The following LFNG variants were observed in gnomAD, a reference collection of about 807,000 sequenced individuals.
LFNG encodes the protein LFNG O-fucosylpeptide 3-beta-N-acetylglucosaminyltransferase.
A neutral mutation model predicts 32.7 loss-of-function variants in LFNG; 15 were observed. That is an observed-to-expected ratio of 0.46 (90% CI 0.31 to 0.71). The LOEUF (loss-of-function observed/expected upper bound fraction) is 0.71, where lower values mean the gene tolerates loss of function less well. LFNG is among the 30% of genes least tolerant of loss of function. The pLI, the probability that LFNG is intolerant of heterozygous loss-of-function variation, is 0.06. For synonymous variants in LFNG, 274 were observed against 246.8 expected, an observed-to-expected ratio of 1.11 and a Z score of -1.03; for missense variants, 520 against 545.7, an observed-to-expected ratio of 0.95 and a Z score of 0.47.
intron 1 of LFNG, among the ~76,000 whole-genome samples, chr7:2,522,976 C>T (rs79211725): frequency 1.8e-4 from 28 of 152,142 alleles, no homozygotes; most frequent in Non-Finnish European, 2.5e-4. Context: ...GGAGACAGTT[C>T]GACCGGCACC....
intron 1 of LFNG, among the ~76,000 whole-genome samples, chr7:2,524,027 G>A (rs1303578789): frequency 1.3e-5 from 2 of 152,298 alleles, no homozygotes; most frequent in South Asian, 2.1e-4. Flanking sequence ...CCAGCTGTAT[G>A]GTAATGGGCG....
chr7:2,512,755 T>A, intron 1 of LFNG: 1 of 1,560,544 alleles, frequency 6.4e-7, no homozygotes, highest in Non-Finnish European at 8.8e-7. Context: ...CCGTCCCTCT[T>A]GCTCGTGAAC....
At chr7:2,522,874 T>G (rs1159131302) in intron 1 of LFNG, among the ~76,000 whole-genome samples, 5 of 152,202 alleles carry the variant, frequency 3.3e-5, no homozygotes, top group African/African-American at 1.2e-4. Flanking sequence ...TTATGCCCAT[T>G]TTACTGAAGA....
In LFNG at chr7:2,520,620, G is replaced by A. The variant is rs1485928824; in HGVS notation, c.432+327G>A. ...GTAAACATTGGAGCGCATTCATAGG[G>A]CATTATGTCCTCAAACTTCCACAAG... On this transcript the variant is annotated intron_variant, in intron 1 of 7. Coordinates refer to ENST00000222725, the MANE Select transcript of LFNG (RefSeq NM_001040167.2). The surrounding 1 kb of genome is among the most constrained non-coding windows in gnomAD (Gnocchi z 5.0). Among the ~76,000 whole-genome samples, 1 of 152,244 alleles carries A rather than the reference G, an allele frequency of 6.6e-6. No individual in the cohort carries two copies. Among genetic ancestry groups the A allele is most frequent in the South Asian group, 2.1e-4 (1 of 4,832 alleles).
chr7:2,522,630 G>A (rs1186066656), intron 1 of LFNG, among the ~76,000 whole-genome samples: 1 of 149,748 alleles, frequency 6.7e-6, no homozygotes, highest in Non-Finnish European at 1.5e-5. Flanking sequence ...CCCCGTCTTC[G>A]TCTGGAAAGT....
At chr7:2,515,255 TATCTGTCC>T (rs1380810940), upstream of LFNG, among the ~76,000 whole-genome samples, 3 of 135,198 alleles carry the variant, frequency 2.2e-5, no homozygotes, top group South Asian at 2.5e-4. Flanking sequence ...TCTGCCAATC[TATCTGTCC>T]ATCTGTCCAT....
rs890499442 is a variant in LFNG at position 2,526,733 on chromosome 7, G to A, written c.988-103G>A. On this transcript the variant is annotated intron_variant, in intron 6 of 7. Coordinates refer to ENST00000222725, the MANE Select transcript of LFNG (RefSeq NM_001040167.2). This position sits in a 1 kb window ranked among gnomAD's most constrained non-coding sequence, Gnocchi z 6.9. ...AGGTGTCCTTCCAGGTCCAAGGGAG[G>A]CCAGGGCAGGGCCGTTGCCTCACTC... The A allele has an allele frequency of 9.2e-7, 1 of 1,087,302 alleles. No homozygotes were observed. The highest frequency in any genetic ancestry group is 2.5e-5 in the East Asian group (1 of 40,204). 67.4% of individuals were successfully genotyped at this position (1,087,302 alleles called of 1,614,324 possible). A position where few individuals can be genotyped will look rare whatever the true frequency, so the allele number is the denominator to read the frequency against.
rs768785317 is a variant in LFNG, at chr7:2,524,722, G to A, written c.460G>A (p.Glu154Lys). 14 of 1,590,844 alleles carry A rather than the reference G, an allele frequency of 8.8e-6. No individual in the cohort carries two copies. The highest frequency in any genetic ancestry group is 1.7e-4 in the Middle Eastern group (1 of 6,028). Residue 154 changes from glutamate to lysine, a missense_variant, in exon 2 of 8, where the codon GAG (glutamate) becomes AAG (lysine). Physicochemically the swap from Glu to Lys is moderately conservative, Grantham distance 56 (BLOSUM62 1). This residue lies in a region of LFNG where 360 missense variants were observed against 354.7 expected (regional missense o/e 1.01). Transcript: ENST00000222725. Reference sequence around the variant, plus strand: ...GTTCATCTTCACTGACGGGGAAGATGAGGCCCTGGCCAGGCACACGGGTGA... The same window carrying A: ...GTTCATCTTCACTGACGGGGAAGATAAGGCCCTGGCCAGGCACACGGGTGA... ...MTFIFTDGED[E>K]ALARHTGNVV... is the part of the protein sequence containing the mutation.
chr7:2,525,420 C>A lies in LFNG; in HGVS notation c.588C>A (p.Phe196Leu). 5.0e-6 allele frequency: 8 copies of A among 1,612,920 alleles called. No homozygotes were observed. Among genetic ancestry groups the A allele is most frequent in the Non-Finnish European group, 6.8e-6 (8 of 1,179,866 alleles). The change falls in exon 4 of 8, where the codon TTC becomes TTA. Residue 196 changes from phenylalanine (F) to leucine (L), a missense_variant. Phe to Leu is a conservative substitution (Grantham distance 22, BLOSUM62 0). Around this residue, in one of 3 missense-constraint regions of LFNG, gnomAD observed 360 missense variants for 354.7 expected, o/e 1.01. Coordinates refer to ENST00000222725, the MANE Select transcript of LFNG (RefSeq NM_001040167.2). ...GGCCCTGCCTTGTCCTCAGGTGGTT[C>A]TGCCACGTGGACGATGACAACTACG... ...DRFIESGRKW[F>L]CHVDDDNYVN...
rs1319620068 is a variant in LFNG at position 2,525,482 on chromosome 7, A to G, written c.650A>G (p.Tyr217Cys). 4.3e-6 allele frequency: 7 copies of G among 1,612,440 alleles called. No individual in the cohort carries two copies. Among genetic ancestry groups the G allele is most frequent in the Non-Finnish European group, 5.1e-6 (6 of 1,179,852 alleles). The change falls in exon 4 of 8, where the codon TAC (tyrosine) becomes TGC (cysteine). Residue 217 changes from tyrosine (Y) to cysteine (C), a missense_variant. Transcript: ENST00000222725. ...LRALLRLLAS[Y>C]PHTRDVYVGK... is the part of the protein sequence containing the mutation. ...GCCCTGCTGCGGCTGCTGGCCAGCT[A>G]CCCGCACACGCGGGACGTCTACGTC...
chr7:2,516,398 C>T (rs1265958109), upstream of LFNG, among the ~76,000 whole-genome samples: 2 of 152,186 alleles, frequency 1.3e-5, no homozygotes, highest in South Asian at 2.1e-4. Context: ...AGGAACAGCC[C>T]GGGGGAGGGA....
intron 1 of LFNG, chr7:2,512,827 CTT>C: frequency 1.2e-6 from 1 of 857,578 alleles, no homozygotes; most frequent in Non-Finnish European, 1.9e-6. Flanking sequence ...TCAGGCTTCT[CTT>C]TATCTCCAGC....
intron 1 of LFNG, among the ~76,000 whole-genome samples, chr7:2,512,856 C>T (rs1779525984): frequency 6.6e-6 from 1 of 152,080 alleles, no homozygotes; most frequent in African/African-American, 2.4e-5. Context: ...TCCATGAATG[C>T]CCCACACACC....
At chr7:2,521,750 G>C (rs1370268592) in intron 1 of LFNG, among the ~76,000 whole-genome samples, 2 of 152,218 alleles carry the variant, frequency 1.3e-5, no homozygotes, top group Non-Finnish European at 2.9e-5. Context: ...CAGAGGGCTG[G>C]GCTGTGTGAT....
rs764643641 is a variant in LFNG, at chr7:2,527,240, G to A, written c.*28G>A. ...GCCATGGCTGAGACCCAATCCCTGG[G>A]CGCCCCTGGTATCCAAAGGGCCCAG... On this transcript the variant is annotated 3_prime_UTR_variant, in exon 8 of 8. Coordinates refer to ENST00000222725, the MANE Select transcript of LFNG (RefSeq NM_001040167.2). This position sits in a 1 kb window ranked among gnomAD's most constrained non-coding sequence, Gnocchi z 4.4. 4 of 1,610,232 alleles carry A rather than the reference G, an allele frequency of 2.5e-6. No homozygotes were observed. The highest frequency in any genetic ancestry group is 2.5e-6 in the Non-Finnish European group (3 of 1,179,636).
intron 2 of LFNG, 72 bp downstream of exon 2, chr7:2,524,815 C>T (rs1779904012): frequency 7.1e-7 from 1 of 1,402,848 alleles, no homozygotes; most frequent in Admixed American, 2.0e-5. Flanking sequence ...CTCCAGTCTC[C>T]CTGCCCCTCT....
Position 2,526,267 on chromosome 7 carries a change from C to A in LFNG, c.845C>A (p.Ala282Asp). The A allele has an allele frequency of 6.2e-7, 1 of 1,613,044 alleles. No individual in the cohort carries two copies. Among genetic ancestry groups the A allele is most frequent in the Non-Finnish European group, 8.5e-7 (1 of 1,179,974 alleles). The change falls in exon 6 of 8, where the codon GCT becomes GAT. Residue 282 changes from alanine to aspartate, a missense_variant. By Grantham distance (126) the Ala-to-Asp change is moderately radical. Around this residue, in one of 3 missense-constraint regions of LFNG, gnomAD observed 150 missense variants for 159.9 expected, o/e 0.94. Coordinates refer to ENST00000222725, the MANE Select transcript of LFNG (RefSeq NM_001040167.2). This position sits in a 1 kb window ranked among gnomAD's most constrained non-coding sequence, Gnocchi z 6.9. ...WASGGHFMNT[A>D]ERIRLPDDCT... The stretch of plus-strand genomic sequence containing the variant: ...AGCGGGGGTCACTTCATGAATACGG[C>A]TGAGCGGATCCGGCTGCCTGATGAC...
intron 1 of LFNG, among the ~76,000 whole-genome samples, chr7:2,522,675 C>G (rs928638206): frequency 4.0e-5 from 6 of 151,766 alleles, no homozygotes; most frequent in Non-Finnish European, 8.8e-5. Context: ...CCCTAGAAGG[C>G]AGGGACTGGG....
chr7:2,525,773 G>A lies in LFNG; in HGVS notation c.821+3G>A, dbSNP rs1052639223. The A allele has an allele frequency of 6.2e-7, 1 of 1,610,466 alleles. No homozygotes were observed. Among genetic ancestry groups the A allele is most frequent in the South Asian group, 1.1e-5 (1 of 90,984 alleles). ...CTGAAGATGAGCCCGTGGGCCAGGT[G>A]AGTGCCCTGCACAGGTTAGGCCAGC... is the stretch of plus-strand genomic sequence containing the variant. On this transcript the variant is annotated splice_donor_region_variant and intron_variant, in intron 5 of 7. Coordinates refer to ENST00000222725, the MANE Select transcript of LFNG (RefSeq NM_001040167.2).
Sources: allele counts gnomAD v4.1 joint callset (sites outside exome capture counted in the v4.1 genomes callset), GRCh38; gene constraint gnomAD v4.1.1; regional missense constraint gnomAD v4.1.1; non-coding constraint Gnocchi (gnomAD v3.1); transcripts MANE v1.5; gene names NCBI Gene and HGNC (gene_info 2026-07-23, HGNC 2026-07-21).